TRPM3: variants seen among roughly 807,000 people sequenced by gnomAD.
The protein encoded by TRPM3 is transient receptor potential cation channel subfamily M member 3, also known as long transient receptor potential channel 3.
In TRPM3, 77 loss-of-function variants were observed where a neutral mutation model predicts 181.2. The ratio of observed to expected loss-of-function variants is 0.42; its 90% CI spans 0.35 to 0.51. The LOEUF (loss-of-function observed/expected upper bound fraction) is 0.51. TRPM3 is among the 20% of genes least tolerant of loss of function. The probability of loss-of-function intolerance (pLI) is 0.01; values close to 1 mark genes in which losing one functional copy is unlikely to be tolerated. For synonymous variants in TRPM3, 745 were observed against 796.4 expected (o/e 0.94, Z 1.09); for missense variants, 1,759 against 2,196.7 (o/e 0.80, Z 3.98).
intron 1 of TRPM3, among the ~76,000 whole-genome samples, chr9:71,165,241 G>T (rs955896723): frequency 1.1e-4 from 17 of 152,110 alleles, no homozygotes; most frequent in Admixed American, 1.1e-3. Flanking sequence ...ACCTCATAGG[G>T]TTTGTGAGAA....
chr9:70,793,764 C>G, intron 6 of TRPM3: 1 of 418,540 alleles, frequency 2.4e-6, no homozygotes. Flanking sequence ...TTCAACTTTG[C>G]AGTGATGCAA....
rs1554730508 is a variant in TRPM3, at chr9:70,831,983, A to ATATATATTTATATATATATATATT, written c.802-3966_802-3965insAATATATATATATATAAATATATA. Among the ~76,000 whole-genome samples, 72 of 103,410 alleles carry ATATATATTTATATATATATATATT rather than the reference A, an allele frequency of 7.0e-4. 4 individuals are homozygous for ATATATATTTATATATATATATATT. Among genetic ancestry groups the ATATATATTTATATATATATATATT allele is most frequent in the African/African-American group, 1.8e-3 (43 of 23,594 alleles). 67.8% of individuals were successfully genotyped at this position (103,410 alleles called of 152,430 possible). A position where few individuals can be genotyped will look rare whatever the true frequency, so the allele number is the denominator to read the frequency against. On this transcript the variant is annotated intron_variant, in intron 5 of 25. Coordinates refer to ENST00000677713, the MANE Select transcript of TRPM3 (RefSeq NM_001366145.2). ...CATAAATATATATATATATATATAT[A>ATATATATTTATATATATATATATT]TATATATATATATACCTACTATGTA... is the stretch of plus-strand genomic sequence containing the variant.
At chr9:71,168,303 G>C (rs368838043) in intron 1 of TRPM3, among the ~76,000 whole-genome samples, 111 of 152,094 alleles carry the variant, frequency 7.3e-4, no homozygotes, top group African/African-American at 2.5e-3. Context: ...TTTTGTACTT[G>C]TTAGTATCAA....
intron 7 of TRPM3, among the ~76,000 whole-genome samples, chr9:70,771,303 C>A (rs1370688165): frequency 6.6e-6 from 1 of 152,098 alleles, no homozygotes; most frequent in African/African-American, 2.4e-5. Context: ...ATGAAGGATC[C>A]AAGGTCTGTG....
chr9:70,934,058 A>G (rs1028694342), intron 1 of TRPM3, among the ~76,000 whole-genome samples: 1 of 152,194 alleles, frequency 6.6e-6, no homozygotes, highest in South Asian at 2.1e-4. Context: ...ATGTGCACCA[A>G]CCATGCCAAG....
chr9:71,332,376 G>T (rs796260786), intron 1 of TRPM3, among the ~76,000 whole-genome samples: 18 of 142,322 alleles, frequency 1.3e-4, no homozygotes, highest in Admixed American at 2.8e-4. Flanking sequence ...TTCAATGTTG[G>T]GTGTGTGTGT....
rs779367320 is a variant in TRPM3 at position 70,591,136 on chromosome 9, C to T, written c.3118G>A (p.Ala1040Thr). The T allele has an allele frequency of 1.9e-6, 3 of 1,614,114 alleles. No homozygotes were observed. Among genetic ancestry groups the T allele is most frequent in the Non-Finnish European group, 2.5e-6 (3 of 1,180,016 alleles). Residue 1040 changes from alanine to threonine, a missense_variant, in exon 22 of 26, where the codon GCC becomes ACC. Ala to Thr is a moderately conservative substitution (Grantham distance 58). Coordinates refer to ENST00000677713, the MANE Select transcript of TRPM3 (RefSeq NM_001366145.2). The part of the protein sequence containing the change: ...VLMSFGVARQ[A>T]ILFPNEEPSW... ...GGCTCCTCATTGGGAAAAAGGATGGCTTGCCTGGCGACCCCAAAGCTCATC... is the reference window on the plus strand; with the variant it reads ...GGCTCCTCATTGGGAAAAAGGATGGTTTGCCTGGCGACCCCAAAGCTCATC...
At chr9:70,576,508 C>T (rs868536802) in intron 22 of TRPM3, among the ~76,000 whole-genome samples, 2,191 of 138,704 alleles carry the variant, frequency 0.016, 59 homozygotes, top group African/African-American at 0.058. Flanking sequence ...CCTCCTTCTT[C>T]TTTTTTTTTT....
intron 25 of TRPM3, among the ~76,000 whole-genome samples, chr9:70,543,113 C>T (rs1342120149): frequency 6.6e-6 from 1 of 152,154 alleles, no homozygotes; most frequent in Non-Finnish European, 1.5e-5. Context: ...AAAAATATTA[C>T]TTATGAATTT....
rs1026369217 is a variant in TRPM3 at position 71,320,570 on chromosome 9, T to A, written c.183+126083A>T. 7.9e-5 allele frequency among the ~76,000 whole-genome samples: 12 copies of A among 152,316 alleles called. No individual in the cohort carries two copies. The East Asian group carries it at 1.5e-3, about 20-fold the overall frequency. ...TAAAATCCAACCCTGGACACCTCAT[T>A]GTTCATCTCCTTTGCAGGATTAACT... On this transcript the variant is annotated intron_variant, in intron 1 of 24. Coordinates refer to the TRPM3 transcript ENST00000357533.
At chr9:71,361,013 G>A (rs2092120577) in intron 1 of TRPM3, among the ~76,000 whole-genome samples, 1 of 152,140 alleles carries the variant, frequency 6.6e-6, no homozygotes, top group Non-Finnish European at 1.5e-5. Flanking sequence ...TTCAGATGGA[G>A]TCTTGCCTTG....
intron 1 of TRPM3, among the ~76,000 whole-genome samples, chr9:71,397,798 A>G (rs1171873542): frequency 3.3e-4 from 1 of 3,068 alleles, no homozygotes; most frequent in East Asian, 0.17. Context: ...AGTCTACATT[A>G]TATTTCCAGA....
At chr9:70,739,033 A>T (rs544513549) in intron 8 of TRPM3, among the ~76,000 whole-genome samples, 34 of 152,318 alleles carry the variant, frequency 2.2e-4, no homozygotes, top group Non-Finnish European at 4.0e-4. Flanking sequence ...ATGGATTTAC[A>T]GCTGAATTCT....
At chr9:70,745,786 A>G (rs2075051940) in intron 8 of TRPM3, among the ~76,000 whole-genome samples, 1 of 152,156 alleles carries the variant, frequency 6.6e-6, no homozygotes, top group South Asian at 2.1e-4. Flanking sequence ...GAAATTATAT[A>G]TGCTTCCTCT....
At chr9:71,390,308 A>G (rs563088259) in intron 1 of TRPM3, among the ~76,000 whole-genome samples, 5 of 152,168 alleles carry the variant, frequency 3.3e-5, no homozygotes, top group Middle Eastern at 3.4e-3. Context: ...ATACACATAA[A>G]GGAAACTTAA....
intron 1 of TRPM3, among the ~76,000 whole-genome samples, chr9:71,032,299 T>G (rs1429386223): frequency 1.4e-5 from 2 of 146,086 alleles, no homozygotes; most frequent in African/African-American, 5.0e-5. Context: ...CTACATACAT[T>G]TAATAACACT....
chr9:70,976,760 A>T (rs1467149054), intron 1 of TRPM3, among the ~76,000 whole-genome samples: 5 of 152,208 alleles, frequency 3.3e-5, no homozygotes. Context: ...GCAAAATAAT[A>T]GTCCCTATCT....
intron 1 of TRPM3, among the ~76,000 whole-genome samples, chr9:71,280,060 G>A (rs1428103149): frequency 1.4e-5 from 2 of 142,914 alleles, no homozygotes; most frequent in African/African-American, 5.2e-5. Flanking sequence ...CACAGATGAT[G>A]AGAGTGAAAC....
At chr9:70,800,239 A>G (rs1730501872) in intron 6 of TRPM3, among the ~76,000 whole-genome samples, 1 of 152,224 alleles carries the variant, frequency 6.6e-6, no homozygotes, top group African/African-American at 2.4e-5. Context: ...TTGCTTGTGA[A>G]TTTCTGGGTT....
Sources: allele counts gnomAD v4.1 joint callset (sites outside exome capture counted in the v4.1 genomes callset), GRCh38; gene constraint gnomAD v4.1.1; transcripts MANE v1.5; gene names NCBI Gene and HGNC (gene_info 2026-07-23, HGNC 2026-07-21).